CCDC92: variants seen among roughly 807,000 people sequenced by gnomAD.
CCDC92 encodes the protein coiled-coil domain-containing protein 92.
In CCDC92, 12 loss-of-function variants were observed where a neutral mutation model predicts 24.9. That is an observed-to-expected ratio of 0.48 (90% CI 0.31 to 0.78). CCDC92 has a LOEUF of 0.78. Among genes scored for constraint, CCDC92 ranks in the 30% least tolerant of loss-of-function variants. The pLI is 0.05. For synonymous variants in CCDC92, 193 were observed against 196.3 expected (o/e 0.98, Z 0.14); for missense variants, 399 against 439.4 (o/e 0.91, Z 0.82).
rs1191617718 is a variant in CCDC92 at position 123,942,740 on chromosome 12, T to C, written c.223+4A>G. 1 of 1,607,734 alleles carries C rather than the reference T, an allele frequency of 6.2e-7. No homozygotes were observed. Among genetic ancestry groups the C allele is most frequent in the East Asian group, 2.2e-5 (1 of 44,880 alleles). On this transcript the variant is annotated splice_donor_region_variant and intron_variant, in intron 4 of 4. Coordinates refer to ENST00000238156, the MANE Select transcript of CCDC92 (RefSeq NM_025140.3). The stretch of plus-strand genomic sequence containing the variant: ...GTCATTTACTTCTGGGGAGGAGTTC[T>C]TACCTGTCTGTTCCGAACTTTTGAC...
Position 123,937,994 on chromosome 12 carries a change from C to A in CCDC92, c.224-164G>T, listed in dbSNP as rs553086487. On this transcript the variant is annotated intron_variant, in intron 4 of 4. Transcript: ENST00000238156. This position sits in a 1 kb window ranked among gnomAD's most constrained non-coding sequence, Gnocchi z 8.4. ...GCTCTGGAAAGACCCCTCCCCTCCCCGAGGTGGGGAGATCGGGGCATCTCA... is the reference window on the plus strand; with the variant it reads ...GCTCTGGAAAGACCCCTCCCCTCCCAGAGGTGGGGAGATCGGGGCATCTCA... Among the ~76,000 whole-genome samples, 72 of 152,256 alleles carry A rather than the reference C, an allele frequency of 4.7e-4. 1 individual carries two copies. Among genetic ancestry groups the A allele is most frequent in the Non-Finnish European group, 3.4e-4 (23 of 68,012 alleles).
At chr12:123,965,336 C>T (rs945372426) in intron 1 of CCDC92, among the ~76,000 whole-genome samples, 3 of 152,208 alleles carry the variant, frequency 2.0e-5, no homozygotes, top group South Asian at 4.1e-4. Flanking sequence ...GATGCAATCT[C>T]TTCTCAATAA....
At chr12:123,952,814 T>C (rs910388401) in intron 1 of CCDC92, among the ~76,000 whole-genome samples, 1 of 152,258 alleles carries the variant, frequency 6.6e-6, no homozygotes, top group African/African-American at 2.4e-5. Flanking sequence ...GGTGCAATTA[T>C]GTTTTAAAAA....
At chr12:123,964,155 GGT>G (rs1956337955) in intron 1 of CCDC92, among the ~76,000 whole-genome samples, 1 of 151,966 alleles carries the variant, frequency 6.6e-6, no homozygotes. Context: ...ACTTGGAAAA[GGT>G]CTCTCCCAAA....
At chr12:123,946,196 T>G (rs2137973115) in intron 1 of CCDC92, 1 of 152,504 alleles carries the variant, frequency 6.6e-6, no homozygotes, top group African/African-American at 2.4e-5. Context: ...TTGAGACTAC[T>G]TAAAAACCTC....
chr12:123,937,694 C>T lies in CCDC92; in HGVS notation c.360G>A (p.Glu120=), dbSNP rs1000003607. The T allele has an allele frequency of 6.2e-7, 1 of 1,614,140 alleles. No individual in the cohort carries two copies. Among genetic ancestry groups the T allele is most frequent in the African/African-American group, 1.3e-5 (1 of 75,044 alleles). ...TCTTCTCTCGCTCCTTGATGGTGTTCTCCAGCACTGTGATCATCGCGTTTT... is the reference window on the plus strand; with the variant it reads ...TCTTCTCTCGCTCCTTGATGGTGTTTTCCAGCACTGTGATCATCGCGTTTT... The part of the protein sequence containing the change: ...EQKNAMITVL[E]NTIKEREKKY... Residue 120 remains glutamate (E), a synonymous_variant, in exon 5 of 5, where the codon GAG becomes GAA. Transcript: ENST00000238156. The surrounding 1 kb of genome is among the most constrained non-coding windows in gnomAD (Gnocchi z 8.4).
At chr12:123,957,831 C>T (rs553300199) in intron 1 of CCDC92, among the ~76,000 whole-genome samples, 3 of 150,104 alleles carry the variant, frequency 2.0e-5, no homozygotes, top group Admixed American at 6.7e-5. Flanking sequence ...GCCTCAGCCC[C>T]GAGTAGCTGG....
At chr12:123,965,731 C>T (rs190021979) in intron 1 of CCDC92, among the ~76,000 whole-genome samples, 57 of 152,352 alleles carry the variant, frequency 3.7e-4, no homozygotes, top group Admixed American at 2.9e-3. Flanking sequence ...TTGGTAGCTC[C>T]AAAGTGCCTT....
intron 1 of CCDC92, among the ~76,000 whole-genome samples, chr12:123,954,939 C>G (rs1956116465): frequency 6.6e-6 from 1 of 152,220 alleles, no homozygotes; most frequent in Non-Finnish European, 1.5e-5. Context: ...TCTGCACTTT[C>G]TATTCCAAAG....
intron 1 of CCDC92, among the ~76,000 whole-genome samples, chr12:123,967,778 T>C (rs1254553932): frequency 6.6e-6 from 1 of 152,220 alleles, no homozygotes; most frequent in African/African-American, 2.4e-5. Context: ...TGTAATAATA[T>C]TGAGAATGAC....
intron 1 of CCDC92, among the ~76,000 whole-genome samples, chr12:123,964,211 G>A (rs949847696): frequency 9.2e-5 from 14 of 152,036 alleles, no homozygotes; most frequent in Non-Finnish European, 5.9e-5. Flanking sequence ...TAAAAATAAA[G>A]TTTAAACGTA....
chr12:123,963,233 G>A (rs1956315886), intron 1 of CCDC92, among the ~76,000 whole-genome samples: 1 of 152,194 alleles, frequency 6.6e-6, no homozygotes, highest in Non-Finnish European at 1.5e-5. Context: ...TTTAAGGCAG[G>A]CCTTTTCTCC....
intron 1 of CCDC92, among the ~76,000 whole-genome samples, chr12:123,954,858 G>C (rs1345239797): frequency 1.3e-5 from 2 of 152,258 alleles, no homozygotes; most frequent in Non-Finnish European, 2.9e-5. Context: ...CCCCACCCCA[G>C]GAGGAGGGAG....
At chr12:123,968,421 G>C (rs1420149850) in intron 1 of CCDC92, 1 of 152,138 alleles carries the variant, frequency 6.6e-6, no homozygotes, top group African/African-American at 2.4e-5. Context: ...TGAAAATGCT[G>C]CTTTCTAACT....
chr12:123,960,931 A>C (rs1231482435), intron 1 of CCDC92: 1 of 152,246 alleles, frequency 6.6e-6, no homozygotes, highest in Admixed American at 6.5e-5. Context: ...AGGCCTTTAC[A>C]ATAGGCCAGG....
chr12:123,937,493 GGCCA>G lies in CCDC92; in HGVS notation c.557_560del (p.Leu186ProfsTer20). The G allele has an allele frequency of 6.2e-7, 1 of 1,612,734 alleles. No homozygotes were observed. The highest frequency in any genetic ancestry group is 8.5e-7 in the Non-Finnish European group (1 of 1,179,986). ...CTTTGGGGGGCGCTGGCTTGTAGCTGGCCAGCACGGGGCTCCCTGACGGGCTGGC... is the reference window on the plus strand; with the variant it reads ...CTTTGGGGGGCGCTGGCTTGTAGCTGGCACGGGGCTCCCTGACGGGCTGGC... On this transcript the variant is annotated frameshift_variant, in exon 5 of 5. Coordinates refer to ENST00000238156, the MANE Select transcript of CCDC92 (RefSeq NM_025140.3). LOFTEE classifies it high-confidence loss of function. The surrounding 1 kb of genome is among the most constrained non-coding windows in gnomAD (Gnocchi z 8.4).
Position 123,936,880 on chromosome 12 carries a change from G to A in CCDC92, c.*178C>T, listed in dbSNP as rs146276819. 1.5e-6 allele frequency: 1 copy of A among 686,588 alleles called. No individual in the cohort carries two copies. Among genetic ancestry groups the A allele is most frequent in the East Asian group, 2.7e-5 (1 of 36,698 alleles). The allele number at this position is 686,588 out of a possible 1,614,324, so 42.5% of individuals were successfully genotyped here. On this transcript the variant is annotated 3_prime_UTR_variant, in exon 5 of 5. Transcript: ENST00000238156. ...ACAGCAATTAGGAAATACATATTCT[G>A]CGGCAGGGACACGATCATATTTTGG... is the stretch of plus-strand genomic sequence containing the variant.
chr12:123,968,124 T>C (rs1235527708), intron 1 of CCDC92: 1 of 151,738 alleles, frequency 6.6e-6, no homozygotes, highest in African/African-American at 2.4e-5. Flanking sequence ...TGCTAACCAA[T>C]GGAAGTTCAC....
intron 1 of CCDC92, among the ~76,000 whole-genome samples, chr12:123,947,638 T>C (rs1459917242): frequency 1.3e-5 from 2 of 152,186 alleles, no homozygotes; most frequent in Non-Finnish European, 2.9e-5. Flanking sequence ...ATCTAACTAA[T>C]CTGATGGGGA....
Sources: gnomAD v4.1 joint callset for allele counts (sites outside exome capture counted in the v4.1 genomes callset) on GRCh38, gnomAD v4.1.1 for gene constraint, Gnocchi (gnomAD v3.1) non-coding constraint, MANE v1.5 for transcripts, NCBI Gene and HGNC (gene_info 2026-07-23, HGNC 2026-07-21) for gene names.